SLC28A1: variants seen among roughly 807,000 people sequenced by gnomAD.
SLC28A1 encodes sodium/nucleoside cotransporter 1.
SLC28A1 carries 64 observed loss-of-function variants against 74.8 expected under a neutral mutation model. The observed-to-expected ratio is 0.86, with a 90% CI of 0.70 to 1.05. The LOEUF is 1.05. Among genes scored for constraint, SLC28A1 ranks in the 50% least tolerant of loss-of-function variants. The pLI, the probability that SLC28A1 is intolerant of heterozygous loss-of-function variation, is 0.00. For missense variants in SLC28A1, 828 were observed against 822.8 expected (o/e 1.01, Z -0.08); for synonymous variants, 359 against 335.0 (o/e 1.07, Z -0.78).
chr15:84,921,012 C>A lies in SLC28A1; in HGVS notation c.900C>A (p.Thr300=). 6.2e-7 allele frequency: 1 copy of A among 1,614,004 alleles called. No individual in the cohort carries two copies. The highest frequency in any genetic ancestry group is 1.1e-5 in the South Asian group (1 of 91,074). Residue 300 remains threonine (T), a synonymous_variant, in exon 11 of 19, where the codon ACC becomes ACA. Coordinates refer to ENST00000394573, the MANE Select transcript of SLC28A1 (RefSeq NM_004213.5). The part of the protein sequence containing the change: ...ILKIAWLMQV[T]MGTTATETLS... ...AGATTGCCTGGCTGATGCAAGTCAC[C>A]ATGGGCACCACAGCCACTGAGACCC...
chr15:84,968,974 G>C, the SLC28A1 span, among the ~76,000 whole-genome samples: 118,952 of 152,104 alleles, frequency 0.78, 46,988 homozygotes, highest in South Asian at 0.87. Context: ...CTTTGAACCT[G>C]AAAAACCTGA....
intron 1 of SLC28A1, among the ~76,000 whole-genome samples, chr15:84,885,231 G>A (rs188151188): frequency 1.3e-5 from 2 of 149,896 alleles, no homozygotes; most frequent in Non-Finnish European, 3.0e-5. Flanking sequence ...AGTGCTGGGA[G>A]TGCAGGCATG....
chr15:84,916,207 C>T (rs1969068964), intron 9 of SLC28A1, among the ~76,000 whole-genome samples: 1 of 129,086 alleles, frequency 7.7e-6, no homozygotes, highest in African/African-American at 3.2e-5. Flanking sequence ...TCAAATGATC[C>T]ACCTGCCTCG....
downstream of SLC28A1, among the ~76,000 whole-genome samples, chr15:84,949,019 A>T (rs946690153): frequency 2.6e-5 from 4 of 152,308 alleles, no homozygotes; most frequent in Admixed American, 6.5e-5. Flanking sequence ...CATTAGTTTT[A>T]AAAAGTCAAA....
chr15:84,961,430 CA>C, the SLC28A1 span: 1 of 442,054 alleles, frequency 2.3e-6, no homozygotes, highest in Admixed American at 2.4e-5. Flanking sequence ...CTCCTGGGCT[CA>C]AGGGATCTTC....
intron 15 of SLC28A1, among the ~76,000 whole-genome samples, chr15:84,936,185 T>C (rs1238836940): frequency 3.3e-5 from 5 of 151,388 alleles, no homozygotes; most frequent in African/African-American, 2.4e-5. Context: ...CCTCGTGATC[T>C]GCCCACCTCG....
intron 2 of SLC28A1, 122 bp from the exon 3 acceptor site, chr15:84,887,623 G>T: frequency 6.5e-7 from 1 of 1,540,774 alleles, no homozygotes; most frequent in Non-Finnish European, 8.7e-7. Flanking sequence ...CCCCAGGCAG[G>T]GCTCTGGCTG....
At chr15:84,889,370 C>T (rs1260664695) in intron 4 of SLC28A1, among the ~76,000 whole-genome samples, 5 of 152,166 alleles carry the variant, frequency 3.3e-5, no homozygotes, top group Admixed American at 3.3e-4. Context: ...TTGGCCAGAT[C>T]CGGAGCTGAG....
intron 7 of SLC28A1, 147 bp downstream of exon 7, chr15:84,904,385 G>C (rs1399980178): frequency 1.2e-5 from 14 of 1,184,640 alleles, no homozygotes; most frequent in Non-Finnish European, 1.5e-5. Flanking sequence ...GTGTGTATCA[G>C]GATAGGCTTC....
the SLC28A1 span, among the ~76,000 whole-genome samples, chr15:84,970,242 TC>T: frequency 6.6e-6 from 1 of 152,178 alleles, no homozygotes; most frequent in Non-Finnish European, 1.5e-5. Context: ...TGGTTAGGTA[TC>T]TTTCTCGAGT....
the SLC28A1 span, among the ~76,000 whole-genome samples, chr15:84,966,710 A>T: frequency 6.6e-6 from 1 of 152,234 alleles, no homozygotes; most frequent in Non-Finnish European, 1.5e-5. Context: ...GAGCTTGTGC[A>T]GGGAAACTCC....
intron 2 of SLC28A1, chr15:84,887,253 C>A (rs1297923442): frequency 7.3e-6 from 4 of 549,350 alleles, no homozygotes; most frequent in Non-Finnish European, 9.3e-6. Flanking sequence ...TAGGTCCTCT[C>A]TTCAGAAAAA....
At position 84,925,560 on chromosome 15, in the gene SLC28A1, A is replaced by G. The variant is rs558025789; in HGVS notation, c.1083+1450A>G. ...GGTTGCAGTGAACTGAGATCGCACC[A>G]CTGCACAGTAGCCTGGGCAACAGAG... On this transcript the variant is annotated intron_variant, in intron 12 of 18. Transcript: ENST00000394573. Among the ~76,000 whole-genome samples the G allele has an allele frequency of 1.6e-3, 240 of 152,256 alleles. 3 individuals carry two copies. In the Middle Eastern group the frequency reaches 0.02, roughly 13 times the overall value.
chr15:84,931,543 T>C (rs886931726), intron 12 of SLC28A1, among the ~76,000 whole-genome samples: 4 of 145,552 alleles, frequency 2.7e-5, no homozygotes, highest in African/African-American at 1.0e-4. Flanking sequence ...TCCCAGCTAC[T>C]TGGGAGGCTG....
chr15:84,971,585 C>G, the SLC28A1 span, among the ~76,000 whole-genome samples: 1 of 152,154 alleles, frequency 6.6e-6, no homozygotes, highest in African/African-American at 2.4e-5. Context: ...GATGCTGGTG[C>G]CATGCTTCTT....
intron 16 of SLC28A1, 37 bp downstream of exon 16, chr15:84,943,563 G>A (rs1408179503): frequency 6.0e-6 from 9 of 1,504,002 alleles, no homozygotes; most frequent in African/African-American, 1.4e-5. Flanking sequence ...GTCTAGGAGA[G>A]TCTGGGACTT....
chr15:84,960,164 T>TATA, the SLC28A1 span, among the ~76,000 whole-genome samples: 1 of 150,694 alleles, frequency 6.6e-6, no homozygotes, highest in Admixed American at 6.6e-5. Flanking sequence ...ACATTCAGTT[T>TATA]ATAAACTCTC....
chr15:84,928,788 A>G, intron 12 of SLC28A1, among the ~76,000 whole-genome samples: 1 of 151,114 alleles, frequency 6.6e-6, no homozygotes, highest in Non-Finnish European at 1.5e-5. Context: ...CAACCCAGCT[A>G]ATTTGTGTAT....
chr15:84,917,235 A>G (rs1209247685), intron 9 of SLC28A1, among the ~76,000 whole-genome samples: 1 of 152,122 alleles, frequency 6.6e-6, no homozygotes, highest in East Asian at 1.9e-4. Flanking sequence ...GTTCTACATG[A>G]CTATTTTAAA....
Sources: allele counts gnomAD v4.1 joint callset (sites outside exome capture counted in the v4.1 genomes callset), GRCh38; gene constraint gnomAD v4.1.1; transcripts MANE v1.5; gene names NCBI Gene and HGNC (gene_info 2026-07-23, HGNC 2026-07-21).